Variants in EYA4 observed in about 807,000 individuals in gnomAD.
The protein encoded by EYA4 is protein phosphatase EYA4.
EYA4 carries 31 observed loss-of-function variants against 87.9 expected under a neutral mutation model. That is an observed-to-expected ratio of 0.35 (90% CI 0.27 to 0.48). The LOEUF (loss-of-function observed/expected upper bound fraction) is 0.48. Among genes scored for constraint, EYA4 ranks in the 20% least tolerant of loss-of-function variants. The probability of loss-of-function intolerance (pLI) is 0.99; values close to 1 mark genes in which losing one functional copy is unlikely to be tolerated. For missense variants in EYA4, 678 were observed against 761.4 expected (o/e 0.89, Z 1.29); for synonymous variants, 263 against 270.6 (o/e 0.97, Z 0.28).
chr6:133,420,009 G>T (rs1790078460), intron 3 of EYA4, among the ~76,000 whole-genome samples: 1 of 152,150 alleles, frequency 6.6e-6, no homozygotes, highest in African/African-American at 2.4e-5. Flanking sequence ...ATTGTAAAAT[G>T]GAAGGAGTAC....
At chr6:133,311,782 A>C (rs1780241853) in intron 2 of EYA4, among the ~76,000 whole-genome samples, 1 of 152,184 alleles carries the variant, frequency 6.6e-6, no homozygotes, top group Non-Finnish European at 1.5e-5. Context: ...ATCATTCAGG[A>C]ATGTTCATTA....
intron 11 of EYA4, among the ~76,000 whole-genome samples, chr6:133,476,886 C>A (rs1335106377): frequency 6.6e-6 from 1 of 152,012 alleles, no homozygotes; most frequent in Admixed American, 6.6e-5. Context: ...GAATTGTAAT[C>A]CCCCTAATGC....
chr6:133,522,880 A>C lies in EYA4; in HGVS notation c.1617-176A>C, dbSNP rs2271752. Among the ~76,000 whole-genome samples the C allele has an allele frequency of 1.5e-3, 223 of 152,286 alleles. 5 individuals are homozygous for C. In the East Asian group the frequency reaches 0.036, roughly 25 times the overall value. On this transcript the variant is annotated intron_variant, in intron 17 of 19. Coordinates refer to ENST00000355286, the MANE Select transcript of EYA4 (RefSeq NM_004100.5). Reference sequence around the variant, plus strand: ...TCACAGTATAGTCATGGGTTTGTATATTCTTCTTAATAATCTGCCATTATT... The same window carrying C: ...TCACAGTATAGTCATGGGTTTGTATCTTCTTCTTAATAATCTGCCATTATT...
chr6:133,495,297 C>A (rs1215960005), intron 13 of EYA4, among the ~76,000 whole-genome samples: 1 of 150,342 alleles, frequency 6.7e-6, no homozygotes, highest in Non-Finnish European at 1.5e-5. Context: ...CTCATGTATC[C>A]CATGTGTATA....
intron 18 of EYA4, among the ~76,000 whole-genome samples, chr6:133,523,754 T>G (rs1415920088): frequency 6.6e-6 from 1 of 152,192 alleles, no homozygotes; most frequent in Admixed American, 6.6e-5. Flanking sequence ...GATTTTTAAG[T>G]GCATTTCTCG....
intron 3 of EYA4, among the ~76,000 whole-genome samples, chr6:133,421,612 A>C (rs1347393748): frequency 6.6e-6 from 1 of 152,132 alleles, no homozygotes; most frequent in Non-Finnish European, 1.5e-5. Flanking sequence ...TTGAATTGCA[A>C]AGTCTAGACT....
At chr6:133,354,756 T>C (rs1783888744) in intron 2 of EYA4, among the ~76,000 whole-genome samples, 1 of 152,172 alleles carries the variant, frequency 6.6e-6, no homozygotes, top group East Asian at 1.9e-4. Context: ...AGTTCTTTAG[T>C]TTATTAAAAA....
chr6:133,436,144 G>A (rs577331821), intron 3 of EYA4, among the ~76,000 whole-genome samples: 4 of 152,138 alleles, frequency 2.6e-5, no homozygotes, highest in Admixed American at 6.5e-5. Flanking sequence ...GCTTGAACTC[G>A]GAAGGCGGAG....
At chr6:133,327,800 A>G (rs1448517157) in intron 2 of EYA4, among the ~76,000 whole-genome samples, 6 of 152,270 alleles carry the variant, frequency 3.9e-5, no homozygotes, top group East Asian at 1.9e-4. Flanking sequence ...ACTCCTTCCT[A>G]TGTTTACGGA....
At chr6:133,416,099 A>G (rs1376522893) in intron 3 of EYA4, among the ~76,000 whole-genome samples, 2 of 152,148 alleles carry the variant, frequency 1.3e-5, no homozygotes, top group African/African-American at 4.8e-5. Flanking sequence ...AAGATGTGAT[A>G]CTCTGGGCAG....
In EYA4 at chr6:133,416,714, A is replaced by G. The variant is rs371177274; in HGVS notation, c.84-29916A>G. ...TTTCGCATTGAGAATAGAGGCCCCA[A>G]ATGTATTTCAGTTTGCTTGGCAGAA... On this transcript the variant is annotated intron_variant, in intron 3 of 19. Coordinates refer to ENST00000355286, the MANE Select transcript of EYA4 (RefSeq NM_004100.5). 8.5e-5 allele frequency among the ~76,000 whole-genome samples: 13 copies of G among 152,330 alleles called. No homozygotes were observed. The East Asian group carries it at 1.2e-3, about 14-fold the overall frequency.
At chr6:133,279,771 A>G (rs989854590) in intron 2 of EYA4, among the ~76,000 whole-genome samples, 6 of 152,132 alleles carry the variant, frequency 3.9e-5, no homozygotes, top group African/African-American at 1.4e-4. Context: ...CCACTAGCCC[A>G]TCTTTAAAAC....
chr6:133,296,513 G>A lies in EYA4; in HGVS notation c.33+21700G>A, dbSNP rs146420205. 1.8e-3 allele frequency among the ~76,000 whole-genome samples: 280 copies of A among 152,244 alleles called. 1 individual carries two copies. The highest frequency in any genetic ancestry group is 6.3e-3 in the African/African-American group (263 of 41,542). Reference sequence around the variant, plus strand: ...GTACTTGTGGAAGTAATGAGGAGTGGTAGAATTCTGGATCTATTTCAGAGG... The same window carrying A: ...GTACTTGTGGAAGTAATGAGGAGTGATAGAATTCTGGATCTATTTCAGAGG... On this transcript the variant is annotated intron_variant, in intron 2 of 19. Coordinates refer to ENST00000355286, the MANE Select transcript of EYA4 (RefSeq NM_004100.5).
At chr6:133,415,800 G>A (rs1331579227) in intron 3 of EYA4, among the ~76,000 whole-genome samples, 2 of 152,142 alleles carry the variant, frequency 1.3e-5, no homozygotes, top group East Asian at 1.9e-4. Context: ...AAGGTCCTGT[G>A]CCAGATAAGA....
At chr6:133,486,492 A>G (rs546321088) in intron 13 of EYA4, among the ~76,000 whole-genome samples, 2 of 152,302 alleles carry the variant, frequency 1.3e-5, no homozygotes, top group East Asian at 1.9e-4. Context: ...ACAAATAGTT[A>G]GTAATATCAA....
intron 1 of EYA4, among the ~76,000 whole-genome samples, chr6:133,272,217 A>G (rs999920768): frequency 3.3e-5 from 5 of 152,180 alleles, no homozygotes; most frequent in African/African-American, 1.2e-4. Flanking sequence ...CATATCATGC[A>G]GAACCATTTG....
chr6:133,418,290 G>T (rs970176040), intron 3 of EYA4, among the ~76,000 whole-genome samples: 6 of 152,156 alleles, frequency 3.9e-5, no homozygotes, highest in Non-Finnish European at 7.3e-5. Flanking sequence ...TCAGTATGGT[G>T]TCTGAGTAAC....
intron 1 of EYA4, among the ~76,000 whole-genome samples, chr6:133,258,113 C>T (rs1210304344): frequency 6.6e-6 from 1 of 152,162 alleles, no homozygotes; most frequent in Non-Finnish European, 1.5e-5. Context: ...CTATGGGCAG[C>T]ACCTGAAGCT....
chr6:133,332,753 G>A (rs1316933430), intron 2 of EYA4, among the ~76,000 whole-genome samples: 6 of 140,624 alleles, frequency 4.3e-5, no homozygotes, highest in Non-Finnish European at 7.5e-5. Flanking sequence ...TAGCAGAGAC[G>A]GGGTTTCACC....
Sources: gnomAD v4.1 joint callset for allele counts (sites outside exome capture counted in the v4.1 genomes callset) on GRCh38, gnomAD v4.1.1 for gene constraint, MANE v1.5 for transcripts, NCBI Gene and HGNC (gene_info 2026-07-23, HGNC 2026-07-21) for gene names.